The following ZPLD1 variants were observed in gnomAD, a reference collection of about 807,000 sequenced individuals.
The protein encoded by ZPLD1 is zona pellucida like domain containing 1.
Under a neutral mutation model 47.2 loss-of-function variants are expected in ZPLD1, and 34 were observed. The observed-to-expected ratio is 0.72, with a 90% CI of 0.55 to 0.96. ZPLD1 has a LOEUF of 0.96. ZPLD1 is among the 40% of genes least tolerant of loss of function. The probability of loss-of-function intolerance (pLI) is 0.00; values close to 1 mark genes in which losing one functional copy is unlikely to be tolerated. For missense variants in ZPLD1, 512 were observed against 505.8 expected, an observed-to-expected ratio of 1.01 and a Z score of -0.12; for synonymous variants, 176 against 186.2, an observed-to-expected ratio of 0.95 and a Z score of 0.45.
chr3:102,466,809 A>G (rs1285649020), intron 8 of ZPLD1, among the ~76,000 whole-genome samples: 3 of 152,144 alleles, frequency 2.0e-5, no homozygotes, highest in African/African-American at 4.8e-5. Flanking sequence ...ATTAAGTAAG[A>G]AAGATAGAAA....
Position 102,464,217 on chromosome 3 carries a change from C to A in ZPLD1, c.727C>A (p.Pro243Thr). Residue 243 changes from proline to threonine, a missense_variant, in exon 8 of 12, where the codon CCA becomes ACA. Transcript: ENST00000466937. ...DYCYTTPSGN[P>T]NDDIRYDLFL... ...TTGCTATACTACCCCATCAGGAAAC[C>A]CAAATGATGACATTCGATATGATCT... The A allele has an allele frequency of 6.2e-7, 1 of 1,612,988 alleles. No individual in the cohort carries two copies. The highest frequency in any genetic ancestry group is 1.1e-5 in the South Asian group (1 of 91,038).
Position 102,456,335 on chromosome 3 carries a change from A to G in ZPLD1, c.470A>G (p.Tyr157Cys), listed in dbSNP as rs1707412692. ...PGLLYKFSCS[Y>C]PLEYLVNNTQ... The stretch of plus-strand genomic sequence containing the variant: ...CTTCTTTACAAATTTAGTTGTAGTT[A>G]TCCATTGGAATACCTGGTTAATAAT... Residue 157 changes from tyrosine to cysteine, a missense_variant, in exon 5 of 12, where the codon TAT becomes TGT. Coordinates refer to ENST00000466937, the MANE Select transcript of ZPLD1 (RefSeq NM_001329788.2). The G allele has an allele frequency of 6.2e-7, 1 of 1,613,522 alleles. No individual in the cohort carries two copies.
At position 102,422,815 on chromosome 3, in the gene ZPLD1, TTTG is replaced by T. The variant is rs145521663; in HGVS notation, c.-9+4623_-9+4625del. On this transcript the variant is annotated intron_variant, in intron 8 of 17. Transcript: ENST00000491959. ...CATGTGATTGGGCAGATAGGAACTT[TTTG>T]TTGTTGTTGTTGTTTTGCCGTGTCA... 5.3e-5 allele frequency among the ~76,000 whole-genome samples: 8 copies of T among 151,702 alleles called. No homozygotes were observed. In the East Asian group the frequency reaches 1.2e-3, roughly 22 times the overall value.
intron 7 of ZPLD1, among the ~76,000 whole-genome samples, chr3:102,406,896 G>A (rs1706693577): frequency 6.6e-6 from 1 of 151,832 alleles, no homozygotes; most frequent in East Asian, 1.9e-4. Context: ...GAGGTGGTCA[G>A]CTTGAACATA....
At chr3:102,422,888 G>A (rs937427497) in intron 8 of ZPLD1, among the ~76,000 whole-genome samples, 3 of 151,986 alleles carry the variant, frequency 2.0e-5, no homozygotes, top group Non-Finnish European at 4.4e-5. Flanking sequence ...TTAACAAAGG[G>A]TTTCAAGCAG....
intron 7 of ZPLD1, among the ~76,000 whole-genome samples, chr3:102,401,976 T>G (rs1457440452): frequency 6.6e-6 from 1 of 152,116 alleles, no homozygotes; most frequent in Admixed American, 6.6e-5. Context: ...ACTAAGGCTA[T>G]CCTCATAATA....
chr3:102,470,266 A>G (rs1707660068), intron 9 of ZPLD1, 128 bp from the exon 10 acceptor site: 1 of 689,390 alleles, frequency 1.5e-6, no homozygotes, highest in Non-Finnish European at 2.5e-6. Context: ...AATTAAATAA[A>G]TGCACGGAAG....
At chr3:102,414,724 A>G (rs956250032) in intron 7 of ZPLD1, among the ~76,000 whole-genome samples, 3 of 151,844 alleles carry the variant, frequency 2.0e-5, no homozygotes, top group African/African-American at 4.8e-5. Context: ...ACCATCGAGA[A>G]TGTATCAGTA....
chr3:102,473,444 A>T (rs887882936), intron 10 of ZPLD1, among the ~76,000 whole-genome samples: 21 of 152,002 alleles, frequency 1.4e-4, no homozygotes, highest in Middle Eastern at 6.8e-3. Flanking sequence ...ACCAGTTTCC[A>T]CCTCAAGAAT....
At chr3:102,457,723 G>T (rs754354819) in intron 5 of ZPLD1, 58 bp from the exon 6 acceptor site, 1 of 1,478,226 alleles carries the variant, frequency 6.8e-7, no homozygotes, top group Non-Finnish European at 9.4e-7. Context: ...CTAACATCTA[G>T]GTATCACTTT....
intron 7 of ZPLD1, among the ~76,000 whole-genome samples, chr3:102,401,098 G>A (rs986140105): frequency 6.6e-6 from 1 of 152,016 alleles, no homozygotes; most frequent in Admixed American, 6.6e-5. Context: ...ACAAGGTGTA[G>A]CCCTGAAGGA....
At chr3:102,429,323 G>T (rs1054131710) in intron 8 of ZPLD1, among the ~76,000 whole-genome samples, 22 of 152,054 alleles carry the variant, frequency 1.4e-4, no homozygotes, top group Non-Finnish European at 2.2e-4. Context: ...TGAATAACTT[G>T]TCATGCCACT....
At chr3:102,452,422 T>C (rs1707352283) in intron 3 of ZPLD1, among the ~76,000 whole-genome samples, 1 of 152,168 alleles carries the variant, frequency 6.6e-6, no homozygotes, top group Non-Finnish European at 1.5e-5. Flanking sequence ...GGCTTTTATT[T>C]ATACAACCCA....
intron 1 of ZPLD1, among the ~76,000 whole-genome samples, chr3:102,435,637 ATTTTTT>A (rs60085952): frequency 6.0e-5 from 7 of 117,380 alleles, no homozygotes; most frequent in African/African-American, 6.9e-5. Flanking sequence ...CATCATCTTG[ATTTTTT>A]TTTTTTTTTT....
At chr3:102,391,919 C>T (rs1706499874) in intron 6 of ZPLD1, among the ~76,000 whole-genome samples, 2 of 152,176 alleles carry the variant, frequency 1.3e-5, no homozygotes, top group African/African-American at 4.8e-5. Context: ...TCTCTGCAAC[C>T]TGCTTTTTCG....
At chr3:102,455,520 C>T (rs1426313796) in intron 4 of ZPLD1, among the ~76,000 whole-genome samples, 1 of 152,140 alleles carries the variant, frequency 6.6e-6, no homozygotes, top group Non-Finnish European at 1.5e-5. Context: ...GAAGATTAAT[C>T]CTCAGAAAAT....
At chr3:102,426,834 T>G (rs1706954473) in intron 8 of ZPLD1, among the ~76,000 whole-genome samples, 1 of 152,232 alleles carries the variant, frequency 6.6e-6, no homozygotes, top group African/African-American at 2.4e-5. Context: ...GGATGTAGTT[T>G]TATTGTTCAC....
At chr3:102,476,757 A>G (rs1266135217) in intron 10 of ZPLD1, among the ~76,000 whole-genome samples, 2 of 152,102 alleles carry the variant, frequency 1.3e-5, no homozygotes, top group African/African-American at 4.8e-5. Flanking sequence ...TTACATTTGT[A>G]TACCTAGGGC....
chr3:102,397,582 A>G (rs1307906362), intron 7 of ZPLD1, among the ~76,000 whole-genome samples: 1 of 152,118 alleles, frequency 6.6e-6, no homozygotes. Flanking sequence ...TTAAATTTTG[A>G]CAAGTAGTGA....
Sources: gnomAD v4.1 joint callset for allele counts (sites outside exome capture counted in the v4.1 genomes callset) on GRCh38, gnomAD v4.1.1 for gene constraint, MANE v1.5 for transcripts, NCBI Gene and HGNC (gene_info 2026-07-23, HGNC 2026-07-21) for gene names.